Variants in BATF observed in about 807,000 individuals in gnomAD.
BATF encodes basic leucine zipper ATF-like transcription factor.
Under a neutral mutation model 13.7 loss-of-function variants are expected in BATF, and 5 were observed. The observed-to-expected ratio is 0.36, with a 90% CI of 0.19 to 0.77. The LOEUF (loss-of-function observed/expected upper bound fraction) is 0.77, where lower values mean the gene tolerates loss of function less well. Ranked by LOEUF, BATF falls within the 30% of genes least tolerant of loss-of-function variation. The pLI is 0.51. For synonymous variants in BATF, 72 were observed against 67.5 expected, an observed-to-expected ratio of 1.07 and a Z score of -0.33; for missense variants, 124 against 163.0, an observed-to-expected ratio of 0.76 and a Z score of 1.30.
chr14:75,529,846 C>T (rs1461331780), intron 2 of BATF, among the ~76,000 whole-genome samples: 1 of 152,052 alleles, frequency 6.6e-6, no homozygotes, highest in Non-Finnish European at 1.5e-5. Flanking sequence ...GGGCGGATCA[C>T]GAGGTCAGCA....
chr14:75,542,967 T>A (rs1431424994), intron 2 of BATF, among the ~76,000 whole-genome samples: 1 of 152,066 alleles, frequency 6.6e-6, no homozygotes, highest in Non-Finnish European at 1.5e-5. Context: ...AAGGTCAGAG[T>A]GGCCCTCCCT....
At chr14:75,538,243 C>T (rs1019993552) in intron 2 of BATF, among the ~76,000 whole-genome samples, 2 of 152,204 alleles carry the variant, frequency 1.3e-5, no homozygotes, top group African/African-American at 4.8e-5. Flanking sequence ...ATTACAGCAA[C>T]TGCACCTGGC....
intron 2 of BATF, 122 bp downstream of exon 2, chr14:75,525,310 T>G: frequency 9.4e-7 from 1 of 1,058,332 alleles, no homozygotes; most frequent in Non-Finnish European, 1.4e-6. Context: ...GGTGGGTTAG[T>G]GGAGGGTGAG....
rs1409074225 is a variant in BATF at position 75,522,698 on chromosome 14, G to A, written c.16G>A (p.Asp6Asn). The A allele has an allele frequency of 4.3e-6, 7 of 1,614,138 alleles. No individual in the cohort carries two copies. Among genetic ancestry groups the A allele is most frequent in the South Asian group, 1.1e-5 (1 of 91,074 alleles). The change falls in exon 1 of 3, where the codon GAC becomes AAC. Residue 6 changes from aspartate to asparagine, a missense_variant. Physicochemically the swap from Asp to Asn is conservative, Grantham distance 23. Coordinates refer to ENST00000286639, the MANE Select transcript of BATF (RefSeq NM_006399.5). ...GATTTCAGCCATGCCTCACAGCTCCGACAGCAGTGACTCCAGCTTCAGCCG... is the reference window on the plus strand; with the variant it reads ...GATTTCAGCCATGCCTCACAGCTCCAACAGCAGTGACTCCAGCTTCAGCCG... MPHSS[D>N]SSDSSFSRSP...
chr14:75,524,064 T>C, intron 1 of BATF, among the ~76,000 whole-genome samples: 1 of 152,128 alleles, frequency 6.6e-6, no homozygotes, highest in East Asian at 1.9e-4. Context: ...TACTTAGTGA[T>C]CCCAGAGCTT....
At chr14:75,523,117 G>T (rs1267989564) in intron 1 of BATF, among the ~76,000 whole-genome samples, 1 of 151,964 alleles carries the variant, frequency 6.6e-6, no homozygotes, top group Non-Finnish European at 1.5e-5. Context: ...GTTTTCAAGT[G>T]GGCCGCTGGC....
chr14:75,528,943 A>T (rs1189197176), intron 2 of BATF, among the ~76,000 whole-genome samples: 1 of 152,272 alleles, frequency 6.6e-6, no homozygotes, highest in Non-Finnish European at 1.5e-5. Flanking sequence ...AACAAAAATT[A>T]TGAAGAGTGT....
Position 75,546,605 on chromosome 14 carries a change from C to G in BATF, c.312C>G (p.Pro104=), listed in dbSNP as rs377234954. 34 of 1,613,760 alleles carry G rather than the reference C, an allele frequency of 2.1e-5. No homozygotes were observed. Among genetic ancestry groups the G allele is most frequent in the African/African-American group, 4.0e-5 (3 of 74,936 alleles). The change falls in exon 3 of 3, where the codon CCC becomes CCG. Residue 104 remains proline (P), a synonymous_variant. Coordinates refer to ENST00000286639, the MANE Select transcript of BATF (RefSeq NM_006399.5). ...TGGCCGCCAGCACGCCCTCGCCCCC[C>G]GAGGTGGTGTACAGCGCCCACGCAT... ...SVLAASTPSP[P]EVVYSAHAFH...
chr14:75,546,936 C>T lies in BATF; in HGVS notation c.*265C>T. 1.4e-6 allele frequency: 1 copy of T among 704,490 alleles called. No homozygotes were observed. Among genetic ancestry groups the T allele is most frequent in the South Asian group, 1.5e-5 (1 of 67,632 alleles). 43.6% of individuals were successfully genotyped at this position (704,490 alleles called of 1,614,324 possible). Reference sequence around the variant, plus strand: ...TAAGAAAGATGCTCAAGTCCCATGGCACAGAGCAAGGCGGGCAGGGAACGG... The same window carrying T: ...TAAGAAAGATGCTCAAGTCCCATGGTACAGAGCAAGGCGGGCAGGGAACGG... On this transcript the variant is annotated 3_prime_UTR_variant, in exon 3 of 3. Coordinates refer to ENST00000286639, the MANE Select transcript of BATF (RefSeq NM_006399.5).
At chr14:75,530,707 C>T (rs1333699420) in intron 2 of BATF, among the ~76,000 whole-genome samples, 2 of 152,052 alleles carry the variant, frequency 1.3e-5, no homozygotes, top group Non-Finnish European at 2.9e-5. Context: ...CAGGGTCTCA[C>T]TATGTTGCCC....
intron 2 of BATF, among the ~76,000 whole-genome samples, chr14:75,536,828 C>G (rs1770235496): frequency 6.6e-6 from 1 of 152,164 alleles, no homozygotes; most frequent in African/African-American, 2.4e-5. Context: ...AATTCAAACC[C>G]TGCCTGGGGG....
At chr14:75,529,634 C>A (rs1887703685) in intron 2 of BATF, among the ~76,000 whole-genome samples, 1 of 151,926 alleles carries the variant, frequency 6.6e-6, no homozygotes. Context: ...CTTTATAGAT[C>A]AAAATACTGT....
chr14:75,533,234 C>T (rs1404017683), intron 2 of BATF, among the ~76,000 whole-genome samples: 1 of 151,994 alleles, frequency 6.6e-6, no homozygotes, highest in Non-Finnish European at 1.5e-5. Flanking sequence ...TGAGACCATC[C>T]TGGCCAACAC....
rs139403341 is a variant in BATF, at chr14:75,546,183, T to A, written c.169-279T>A. On this transcript the variant is annotated intron_variant, in intron 2 of 2. Transcript: ENST00000286639. ...GGCCTGAAATTGCTATTCTTATAGG[T>A]CACAACAGACAAATATCAGCAGCTT... is the stretch of plus-strand genomic sequence containing the variant. Among the ~76,000 whole-genome samples the A allele has an allele frequency of 9.9e-5, 15 of 152,216 alleles. No individual in the cohort carries two copies. In the East Asian group the frequency reaches 2.9e-3, roughly 29 times the overall value.
At chr14:75,539,321 C>T (rs1887862320) in intron 2 of BATF, among the ~76,000 whole-genome samples, 1 of 151,614 alleles carries the variant, frequency 6.6e-6, no homozygotes, top group Admixed American at 6.6e-5. Context: ...AAGGGAAGCT[C>T]TGCCTTCACC....
At chr14:75,542,747 C>T (rs1566769520) in intron 2 of BATF, among the ~76,000 whole-genome samples, 1 of 152,190 alleles carries the variant, frequency 6.6e-6, no homozygotes, top group Non-Finnish European at 1.5e-5. Context: ...CTCTTGCTTC[C>T]CAAGGTAAAG....
At chr14:75,532,111 A>G (rs1056808507) in intron 2 of BATF, among the ~76,000 whole-genome samples, 2 of 152,228 alleles carry the variant, frequency 1.3e-5, no homozygotes, top group African/African-American at 4.8e-5. Flanking sequence ...GCTGTATTTT[A>G]TAATTCCTTG....
At chr14:75,526,486 T>C (rs1328142594) in intron 2 of BATF, among the ~76,000 whole-genome samples, 1 of 152,220 alleles carries the variant, frequency 6.6e-6, no homozygotes. Flanking sequence ...GTTAACCGTA[T>C]CAAGAATAAG....
At chr14:75,526,772 C>T (rs1460245610) in intron 2 of BATF, among the ~76,000 whole-genome samples, 1 of 152,088 alleles carries the variant, frequency 6.6e-6, no homozygotes, top group Non-Finnish European at 1.5e-5. Flanking sequence ...TCACTGTGTC[C>T]CCACATTCTG....
Sources: allele counts gnomAD v4.1 joint callset (sites outside exome capture counted in the v4.1 genomes callset), GRCh38; gene constraint gnomAD v4.1.1; transcripts MANE v1.5; gene names NCBI Gene and HGNC (gene_info 2026-07-23, HGNC 2026-07-21).